Variants in LZTS1 observed in about 807,000 individuals in gnomAD.
LZTS1 encodes leucine zipper tumor suppressor 1.
LZTS1 carries 31 observed loss-of-function variants against 45.8 expected under a neutral mutation model. The observed-to-expected ratio is 0.68, with a 90% CI of 0.51 to 0.91. LZTS1 has a LOEUF of 0.91. Among genes scored for constraint, LZTS1 ranks in the 40% least tolerant of loss-of-function variants. LZTS1 has a pLI of 0.00. For synonymous variants in LZTS1, 359 were observed against 357.3 expected, an observed-to-expected ratio of 1.00 and a Z score of -0.05; for missense variants, 821 against 788.9, an observed-to-expected ratio of 1.04 and a Z score of -0.49.
At chr8:20,281,975 C>T (rs1355855471) in intron 1 of LZTS1, among the ~76,000 whole-genome samples, 1 of 152,044 alleles carries the variant, frequency 6.6e-6, no homozygotes, top group African/African-American at 2.4e-5. Flanking sequence ...CAGAGTATAG[C>T]CCCTGGCCAC....
In LZTS1 at chr8:20,247,861, C is replaced by G. The variant is rs1477962153; in HGVS notation, c.*1861G>C. The G allele has an allele frequency of 6.5e-6, 1 of 152,830 alleles. No individual in the cohort carries two copies. The highest frequency in any genetic ancestry group is 6.5e-5 in the Admixed American group (1 of 15,276). 9.5% of individuals were successfully genotyped at this position (152,830 alleles called of 1,614,324 possible). ...TTGGACTCGCAAGTTCCCAGACGCT[C>G]CCCTCCTCATCTCAGCAGGCAGCAG... On this transcript the variant is annotated 3_prime_UTR_variant, in exon 4 of 4. Coordinates refer to ENST00000381569, the MANE Select transcript of LZTS1 (RefSeq NM_021020.5).
chr8:20,278,129 G>A (rs1490070359), intron 1 of LZTS1, among the ~76,000 whole-genome samples: 1 of 152,166 alleles, frequency 6.6e-6, no homozygotes, highest in Non-Finnish European at 1.5e-5. Context: ...GGTCACAGCT[G>A]GTGCCAGGGA....
chr8:20,261,346 C>A (rs770214042), intron 1 of LZTS1, among the ~76,000 whole-genome samples: 1 of 152,188 alleles, frequency 6.6e-6, no homozygotes, highest in Non-Finnish European at 1.5e-5. Flanking sequence ...GACCATCCAG[C>A]CTACCCTTCT....
chr8:20,287,925 TCCTGGCTTCTTCCCCTTCCCTAGCCCAG>T (rs1800822013), intron 1 of LZTS1, among the ~76,000 whole-genome samples: 1 of 137,584 alleles, frequency 7.3e-6, no homozygotes, highest in Non-Finnish European at 1.6e-5. Context: ...AAAAAAAGGT[TCCTGGCTTCTTCCCCTTCCCTAGCCCAG>T]CCCACCTGCA....
At chr8:20,261,889 C>T (rs572197515) in intron 1 of LZTS1, among the ~76,000 whole-genome samples, 4 of 152,324 alleles carry the variant, frequency 2.6e-5, no homozygotes, top group African/African-American at 7.2e-5. Context: ...CCAGCCACCC[C>T]GCCTCCTGCC....
chr8:20,263,127 G>C (rs2128894653), intron 1 of LZTS1, among the ~76,000 whole-genome samples: 1 of 152,274 alleles, frequency 6.6e-6, no homozygotes, highest in East Asian at 1.9e-4. Flanking sequence ...CTGTTGATTT[G>C]AGAAGAGCTG....
At chr8:20,256,078 A>AG (rs1281380264) in intron 1 of LZTS1, among the ~76,000 whole-genome samples, 12 of 150,502 alleles carry the variant, frequency 8.0e-5, no homozygotes, top group African/African-American at 2.5e-4. Context: ...AAAAAAAAAA[A>AG]AAAAAAGAAG....
At chr8:20,289,189 C>A (rs1563895963) in intron 1 of LZTS1, 1 of 152,114 alleles carries the variant, frequency 6.6e-6, no homozygotes, top group African/African-American at 2.4e-5. Context: ...GATTTGTAAT[C>A]ATGTATCAAT....
At position 20,255,087 on chromosome 8, in the gene LZTS1, T is replaced by C. The variant is rs1414719655; in HGVS notation, c.95A>G (p.Lys32Arg). 5 of 1,614,196 alleles carry C rather than the reference T, an allele frequency of 3.1e-6. No individual in the cohort carries two copies. Among genetic ancestry groups the C allele is most frequent in the Non-Finnish European group, 4.2e-6 (5 of 1,180,034 alleles). ...QYKLRKSSHLKKLNRYSDGLL... is the reference protein window; with the variant it reads ...QYKLRKSSHLRKLNRYSDGLL... ...CCCGTCGGAATACCGGTTGAGCTTC[T>C]TGAGGTGGGAGGACTTGCGCAGCTT... is the stretch of plus-strand genomic sequence containing the variant. Residue 32 changes from lysine to arginine, a missense_variant, in exon 2 of 4, where the codon AAG (lysine) becomes AGG (arginine). Coordinates refer to ENST00000381569, the MANE Select transcript of LZTS1 (RefSeq NM_021020.5).
At chr8:20,254,385 A>T (rs1055553148) in intron 2 of LZTS1, among the ~76,000 whole-genome samples, 1 of 152,176 alleles carries the variant, frequency 6.6e-6, no homozygotes, top group African/African-American at 2.4e-5. Context: ...AATGCACACC[A>T]GGGCAGCAAA....
intron 1 of LZTS1, among the ~76,000 whole-genome samples, chr8:20,260,529 G>A (rs1316130022): frequency 6.6e-6 from 1 of 152,200 alleles, no homozygotes; most frequent in Non-Finnish European, 1.5e-5. Context: ...GGGGACTGTA[G>A]GTGAGGCCCA....
At chr8:20,268,518 G>T (rs533493936) in intron 1 of LZTS1, among the ~76,000 whole-genome samples, 5 of 152,190 alleles carry the variant, frequency 3.3e-5, no homozygotes, top group Admixed American at 1.3e-4. Flanking sequence ...CTCTAGATGA[G>T]GGGGAAAGGG....
chr8:20,258,465 C>A (rs371769136), intron 1 of LZTS1, among the ~76,000 whole-genome samples: 3 of 152,126 alleles, frequency 2.0e-5, no homozygotes, highest in African/African-American at 7.2e-5. Context: ...TTCAAACTTG[C>A]GTTATCATCC....
intron 1 of LZTS1, among the ~76,000 whole-genome samples, chr8:20,284,531 C>G (rs1397711716): frequency 6.6e-6 from 1 of 151,032 alleles, no homozygotes; most frequent in Non-Finnish European, 1.5e-5. Context: ...GCACATTTCA[C>G]TTTTTTTTTA....
intron 1 of LZTS1, among the ~76,000 whole-genome samples, chr8:20,273,208 TG>T (rs1283645974): frequency 3.3e-5 from 5 of 152,206 alleles, no homozygotes; most frequent in African/African-American, 1.2e-4. Flanking sequence ...CCTTGGCTTA[TG>T]TGATACCGTG....
At chr8:20,261,537 G>T (rs1800229054) in intron 1 of LZTS1, among the ~76,000 whole-genome samples, 1 of 152,178 alleles carries the variant, frequency 6.6e-6, no homozygotes, top group East Asian at 1.9e-4. Context: ...CACCTGAGCT[G>T]CCCCATCCCC....
At chr8:20,282,407 A>C (rs1346043924) in intron 1 of LZTS1, among the ~76,000 whole-genome samples, 7 of 152,214 alleles carry the variant, frequency 4.6e-5, no homozygotes, top group African/African-American at 1.7e-4. Context: ...TATCTCACAG[A>C]TATGACAGAT....
In LZTS1 at chr8:20,249,519, G is replaced by A. The variant is rs1275152627; in HGVS notation, c.*203C>T. ...AAAGCCAGAGGAGTCAGGGCCTGAC[G>A]TCTGGTGGGCTGCAGGGCTGGTGAG... On this transcript the variant is annotated 3_prime_UTR_variant, in exon 4 of 4. Transcript: ENST00000381569. 29 of 635,262 alleles carry A rather than the reference G, an allele frequency of 4.6e-5. No homozygotes were observed. The highest frequency in any genetic ancestry group is 1.7e-4 in the African/African-American group (9 of 54,412). The allele number at this position is 635,262 out of a possible 1,614,324, so 39.4% of individuals were successfully genotyped here. A position where few individuals can be genotyped will look rare whatever the true frequency, so the allele number is the denominator to read the frequency against.
Position 20,249,985 on chromosome 8 carries a change from C to G in LZTS1, c.1528G>C (p.Glu510Gln). 6.2e-7 allele frequency: 1 copy of G among 1,613,628 alleles called. No homozygotes were observed. The highest frequency in any genetic ancestry group is 8.5e-7 in the Non-Finnish European group (1 of 1,179,828). Reference protein sequence around the residue: ...LQRELERLRAELREERQGHDQ... With the variant: ...LQRELERLRAQLREERQGHDQ... ...TGGCCTTGCCGCTCCTCCCGCAGCT[C>G]GGCCCGCAGCCGCTCCAGCTCCCGC... The change falls in exon 4 of 4, where the codon GAG (glutamate) becomes CAG (glutamine). Residue 510 changes from glutamate (E) to glutamine (Q), a missense_variant. Transcript: ENST00000381569.
Sources: gnomAD v4.1 joint callset for allele counts (sites outside exome capture counted in the v4.1 genomes callset) on GRCh38, gnomAD v4.1.1 for gene constraint, MANE v1.5 for transcripts, NCBI Gene and HGNC (gene_info 2026-07-23, HGNC 2026-07-21) for gene names.